Variants in NPAT observed in about 807,000 individuals in gnomAD.
NPAT encodes the protein protein NPAT.
In NPAT, 52 loss-of-function variants were observed where a neutral mutation model predicts 130.7. The ratio of observed to expected loss-of-function variants is 0.40; its 90% CI spans 0.32 to 0.50. The LOEUF is 0.50. Among genes scored for constraint, NPAT ranks in the 20% least tolerant of loss-of-function variants. The probability of loss-of-function intolerance (pLI) is 0.68; values close to 1 mark genes in which losing one functional copy is unlikely to be tolerated. For missense variants in NPAT, 1,687 were observed against 1,662.6 expected, an observed-to-expected ratio of 1.01 and a Z score of -0.26; for synonymous variants, 580 against 584.8, an observed-to-expected ratio of 0.99 and a Z score of 0.12.
At chr11:108,178,591 C>G (rs2078031104) in intron 10 of NPAT, among the ~76,000 whole-genome samples, 3 of 152,178 alleles carry the variant, frequency 2.0e-5, no homozygotes, top group Admixed American at 1.3e-4. Context: ...AGTGCAGTGG[C>G]TCACATCTGT....
chr11:108,172,096 C>G (rs2077956743), intron 13 of NPAT, 103 bp downstream of exon 13: 3 of 954,242 alleles, frequency 3.1e-6, no homozygotes, highest in East Asian at 4.8e-5. Context: ...TTTTCTCATA[C>G]CATCTACTCA....
At chr11:108,188,712 T>C (rs1046645790) in intron 6 of NPAT, among the ~76,000 whole-genome samples, 1 of 152,238 alleles carries the variant, frequency 6.6e-6, no homozygotes, top group Admixed American at 6.5e-5. Flanking sequence ...CAGGCATATG[T>C]AGGATTTCTA....
At chr11:108,171,000 G>T (rs1325254253) in intron 13 of NPAT, 2 of 151,890 alleles carry the variant, frequency 1.3e-5, no homozygotes, top group South Asian at 2.1e-4. Flanking sequence ...GTAAATAAAT[G>T]TGCCATGAGC....
At chr11:108,207,556 C>T (rs925400538) in intron 1 of NPAT, among the ~76,000 whole-genome samples, 10 of 152,368 alleles carry the variant, frequency 6.6e-5, no homozygotes, top group African/African-American at 2.4e-4. Context: ...GGGACCGAGG[C>T]AGCATGAGGC....
At chr11:108,176,196 G>C (rs187889833) in intron 12 of NPAT, 50 bp downstream of exon 12, 44 of 1,329,202 alleles carry the variant, frequency 3.3e-5, no homozygotes, top group Non-Finnish European at 1.1e-6. Flanking sequence ...TGAATTTTGA[G>C]ACTAATATTA....
chr11:108,197,956 C>A (rs1267988660), intron 1 of NPAT, among the ~76,000 whole-genome samples: 1 of 152,196 alleles, frequency 6.6e-6, no homozygotes, highest in Non-Finnish European at 1.5e-5. Flanking sequence ...ATTATCAATT[C>A]CAACAAGAAC....
In NPAT at chr11:108,197,307, A is replaced by T; in HGVS notation, c.151T>A (p.Leu51Ile). 6.3e-7 allele frequency: 1 copy of T among 1,576,914 alleles called. No individual in the cohort carries two copies. Residue 51 changes from leucine (L) to isoleucine (I), a missense_variant, in exon 2 of 18, where the codon TTA becomes ATA. By Grantham distance (5) the Leu-to-Ile change is conservative. Coordinates refer to ENST00000278612, the MANE Select transcript of NPAT (RefSeq NM_002519.3). The stretch of plus-strand genomic sequence containing the variant: ...TTAAGGAACAAATAACTCACCAGTA[A>T]GCAGGCTGGAATAAACCCTTCATCT... Reference protein sequence around the residue: ...CTDEGFIPACLLSLFGKNLTT... With the variant: ...CTDEGFIPACILSLFGKNLTT...
chr11:108,198,510 G>GGC (rs2078245186), intron 1 of NPAT, among the ~76,000 whole-genome samples: 1 of 104,214 alleles, frequency 9.6e-6, no homozygotes, highest in South Asian at 3.9e-4. Context: ...CTCCCAAGCA[G>GGC]ACGGGTAGGG....
chr11:108,173,871 T>C lies in NPAT; in HGVS notation c.1133-20A>G, dbSNP rs755387328. The stretch of plus-strand genomic sequence containing the variant: ...GACCATCTGCAAAGTATCAGGCAGG[T>C]AGACAGATATGGTAAATATGTTCAG... On this transcript the variant is annotated intron_variant, in intron 12 of 17. Transcript: ENST00000278612. The C allele has an allele frequency of 1.1e-5, 18 of 1,598,484 alleles. No homozygotes were observed. The highest frequency in any genetic ancestry group is 7.7e-5 in the South Asian group (7 of 90,748).
chr11:108,167,798 G>C (rs1291086773), intron 15 of NPAT, among the ~76,000 whole-genome samples: 1 of 152,112 alleles, frequency 6.6e-6, no homozygotes, highest in Non-Finnish European at 1.5e-5. Context: ...TATCAACTTT[G>C]TAAGGGATAA....
chr11:108,184,358 G>C (rs1290266861), intron 10 of NPAT, among the ~76,000 whole-genome samples: 1 of 151,640 alleles, frequency 6.6e-6, no homozygotes, highest in Non-Finnish European at 1.5e-5. Flanking sequence ...TGTAGTCCCA[G>C]CTACTCAGGA....
intron 10 of NPAT, among the ~76,000 whole-genome samples, chr11:108,177,503 C>T (rs149312203): frequency 1.3e-5 from 2 of 152,072 alleles, no homozygotes; most frequent in African/African-American, 2.4e-5. Context: ...AGCAGACACT[C>T]GACTATTTCT....
At chr11:108,185,530 A>G (rs754180272) in intron 8 of NPAT, 36 bp from the exon 9 acceptor site, 2 of 1,297,578 alleles carry the variant, frequency 1.5e-6, no homozygotes, top group Admixed American at 3.4e-5. Flanking sequence ...AAAGGACAAT[A>G]AAGAGTATTC....
At chr11:108,177,981 A>C (rs1038952253) in intron 10 of NPAT, among the ~76,000 whole-genome samples, 5 of 152,116 alleles carry the variant, frequency 3.3e-5, no homozygotes, top group African/African-American at 1.2e-4. Flanking sequence ...TCGGCCTCCT[A>C]AACTGCTGGG....
rs1591398865 is a variant in NPAT, at chr11:108,185,109, T to C, written c.906+123A>G. Reference sequence around the variant, plus strand: ...TATCTTACTATTGTAAATCATTTTATCTAATTAGATGGCAAATCATAACAT... The same window carrying C: ...TATCTTACTATTGTAAATCATTTTACCTAATTAGATGGCAAATCATAACAT... On this transcript the variant is annotated intron_variant, in intron 10 of 17. Transcript: ENST00000278612. 5 of 738,582 alleles carry C rather than the reference T, an allele frequency of 6.8e-6. No homozygotes were observed. In the African/African-American group the frequency reaches 8.7e-5, roughly 13 times the overall value. 45.8% of individuals were successfully genotyped at this position (738,582 alleles called of 1,614,324 possible). A position where few individuals can be genotyped will look rare whatever the true frequency, so the allele number is the denominator to read the frequency against.
At chr11:108,192,894 C>T (rs556928404) in intron 3 of NPAT, among the ~76,000 whole-genome samples, 8 of 151,990 alleles carry the variant, frequency 5.3e-5, no homozygotes, top group African/African-American at 9.7e-5. Context: ...ACGGAGGTTG[C>T]GGTGAGCCGA....
In NPAT at chr11:108,161,878, T is replaced by C. The variant is rs1350972335; in HGVS notation, c.3208A>G (p.Thr1070Ala). The change falls in exon 17 of 18, where the codon ACT becomes GCT. Residue 1070 changes from threonine (T) to alanine (A), a missense_variant. Thr to Ala is a moderately conservative substitution (Grantham distance 58). Transcript: ENST00000278612. ...HRRVLCFDST[T>A]APVANTQGPN... ...CCCTGCGTATTTGCCACAGGAGCAGTAGTGCTGTCGAAACAGAGTACACGT... is the reference window on the plus strand; with the variant it reads ...CCCTGCGTATTTGCCACAGGAGCAGCAGTGCTGTCGAAACAGAGTACACGT... 1.9e-6 allele frequency: 3 copies of C among 1,613,976 alleles called. No individual in the cohort carries two copies. Among genetic ancestry groups the C allele is most frequent in the East Asian group, 2.2e-5 (1 of 44,882 alleles).
At chr11:108,196,044 T>C (rs1160711610) in intron 2 of NPAT, among the ~76,000 whole-genome samples, 1 of 152,246 alleles carries the variant, frequency 6.6e-6, no homozygotes, top group Non-Finnish European at 1.5e-5. Flanking sequence ...TAAAACTCAC[T>C]GTCAAATCCA....
Position 108,173,052 on chromosome 11 carries a change from T to A in NPAT, c.1932A>T (p.Leu644Phe), listed in dbSNP as rs1291789296. The A allele has an allele frequency of 6.2e-7, 1 of 1,613,908 alleles. No individual in the cohort carries two copies. The highest frequency in any genetic ancestry group is 8.5e-7 in the Non-Finnish European group (1 of 1,179,960). ...QPSNDSASVELNHTENEAQAS... is the reference protein window; with the variant it reads ...QPSNDSASVEFNHTENEAQAS... ...CCTGAGCTTCATTTTCTGTATGATT[T>A]AACTCAACAGATGCTGAATCATTAG... Residue 644 changes from leucine to phenylalanine, a missense_variant, in exon 13 of 18, where the codon TTA (leucine) becomes TTT (phenylalanine). Around this residue, in one of 3 missense-constraint regions of NPAT, gnomAD observed 1,379 missense variants for 1,346.6 expected, o/e 1.02. Coordinates refer to ENST00000278612, the MANE Select transcript of NPAT (RefSeq NM_002519.3).
Sources: allele counts gnomAD v4.1 joint callset (sites outside exome capture counted in the v4.1 genomes callset), GRCh38; gene constraint gnomAD v4.1.1; regional missense constraint gnomAD v4.1.1; transcripts MANE v1.5; gene names NCBI Gene and HGNC (gene_info 2026-07-23, HGNC 2026-07-21).